Variants in KCTD19 observed in about 807,000 individuals in gnomAD.
The protein encoded by KCTD19 is BTB/POZ domain-containing protein KCTD19.
Under a neutral mutation model 103.5 loss-of-function variants are expected in KCTD19, and 67 were observed. The ratio of observed to expected loss-of-function variants is 0.65; its 90% CI spans 0.53 to 0.79. The LOEUF (loss-of-function observed/expected upper bound fraction) is 0.79. KCTD19 is among the 30% of genes least tolerant of loss of function. The pLI, the probability that KCTD19 is intolerant of heterozygous loss-of-function variation, is 0.00. For missense variants in KCTD19, 980 were observed against 1,136.1 expected, an observed-to-expected ratio of 0.86 and a Z score of 1.98; for synonymous variants, 439 against 452.2, an observed-to-expected ratio of 0.97 and a Z score of 0.37.
chr16:67,313,236 G>A (rs1056713655), intron 2 of KCTD19, among the ~76,000 whole-genome samples: 3 of 151,522 alleles, frequency 2.0e-5, no homozygotes, highest in East Asian at 3.9e-4. Context: ...CAGCCTCCCC[G>A]AGTAGCTGGG....
rs972719458 is a variant in KCTD19, at chr16:67,293,672, G to A, written c.2090C>T (p.Pro697Leu). The change falls in exon 12 of 16, where the codon CCA (proline) becomes CTA (leucine). Residue 697 changes from proline (P) to leucine (L), a missense_variant. Transcript: ENST00000304372. This position sits in a 1 kb window ranked among gnomAD's most constrained non-coding sequence, Gnocchi z 4.0. Reference sequence around the variant, plus strand: ...AGCTCCAGCCCCTGCCTGTGGTCCTGGATCCTTCTCTGAGGCTGTGGAATG... The same window carrying A: ...AGCTCCAGCCCCTGCCTGTGGTCCTAGATCCTTCTCTGAGGCTGTGGAATG... ...KAHSTASEKD[P>L]GPQAGAGAGA... 3 of 1,613,918 alleles carry A rather than the reference G, an allele frequency of 1.9e-6. No homozygotes were observed. The African/African-American group carries it at 4.0e-5, about 22-fold the overall frequency.
At chr16:67,302,041 C>T (rs931744978) in intron 4 of KCTD19, 119 bp from the exon 5 acceptor site, 1 of 857,242 alleles carries the variant, frequency 1.2e-6, no homozygotes, top group Non-Finnish European at 1.9e-6. Context: ...TGTTCTGAAA[C>T]AACTTATCAA....
chr16:67,305,312 T>C (rs970927693), intron 2 of KCTD19: 2 of 191,626 alleles, frequency 1.0e-5, no homozygotes, highest in Admixed American at 1.2e-4. Context: ...AATAAACATG[T>C]CTTATATTGC....
intron 13 of KCTD19, 78 bp from the exon 14 acceptor site, chr16:67,291,541 G>A (rs1051826196): frequency 2.0e-5 from 31 of 1,559,622 alleles, no homozygotes; most frequent in Admixed American, 1.4e-4. Flanking sequence ...AGGGGGAGAG[G>A]GGTAGGGCCC....
At chr16:67,299,679 T>G in intron 5 of KCTD19, 106 bp from the exon 6 acceptor site, 1 of 852,890 alleles carries the variant, frequency 1.2e-6, no homozygotes, top group Non-Finnish European at 1.8e-6. Flanking sequence ...CCGAGGAGGC[T>G]CAGAGGAAGG....
Position 67,320,898 on chromosome 16 carries a change from T to C in KCTD19, c.4-13A>G. The C allele has an allele frequency of 1.3e-6, 2 of 1,584,844 alleles. No individual in the cohort carries two copies. Among genetic ancestry groups the C allele is most frequent in the Middle Eastern group, 1.7e-4 (1 of 5,892 alleles). On this transcript the variant is annotated splice_polypyrimidine_tract_variant and intron_variant, in intron 1 of 15. Transcript: ENST00000304372. The surrounding 1 kb of genome is among the most constrained non-coding windows in gnomAD (Gnocchi z 4.0). ...TGCCAGACTCCTCCTAAAGGGGGAATGAAAAAGAGATCTACGCAAGAAAAA... is the reference window on the plus strand; with the variant it reads ...TGCCAGACTCCTCCTAAAGGGGGAACGAAAAAGAGATCTACGCAAGAAAAA...
At position 67,320,856 on chromosome 16, in the gene KCTD19, T is replaced by C. The variant is rs754215182; in HGVS notation, c.33A>G (p.Ala11=). Residue 11 remains alanine, a synonymous_variant, in exon 2 of 16, where the codon GCA becomes GCG. Transcript: ENST00000304372. This position sits in a 1 kb window ranked among gnomAD's most constrained non-coding sequence, Gnocchi z 4.0. Reference sequence around the variant, plus strand: ...CTACGTTGAAATGAAACAAGTCCTCTGCTGATTCATGAGCCATGCCAGACT... The same window carrying C: ...CTACGTTGAAATGAAACAAGTCCTCCGCTGATTCATGAGCCATGCCAGACT... The part of the protein sequence containing the change: MEESGMAHES[A]EDLFHFNVGG... The C allele has an allele frequency of 6.2e-7, 1 of 1,614,046 alleles. No individual in the cohort carries two copies. Among genetic ancestry groups the C allele is most frequent in the Non-Finnish European group, 8.5e-7 (1 of 1,179,966 alleles).
chr16:67,306,870 T>C (rs1222211182), intron 2 of KCTD19, among the ~76,000 whole-genome samples: 1 of 152,150 alleles, frequency 6.6e-6, no homozygotes, highest in Non-Finnish European at 1.5e-5. Context: ...ACTTTTAAAC[T>C]GAATCCTTCC....
intron 15 of KCTD19, among the ~76,000 whole-genome samples, chr16:67,290,353 T>C (rs9922636): frequency 0.017 from 2,573 of 152,008 alleles, 83 homozygotes; most frequent in African/African-American, 0.059. Context: ...AATTTTTTTG[T>C]GTTTTCAGTA....
intron 1 of KCTD19, among the ~76,000 whole-genome samples, chr16:67,326,425 G>A (rs1280007900): frequency 2.0e-5 from 3 of 151,920 alleles, no homozygotes; most frequent in African/African-American, 7.3e-5. Flanking sequence ...GCATCCCCCA[G>A]CGCTGAGATA....
Position 67,291,324 on chromosome 16 carries a change from C to G in KCTD19, c.2550G>C (p.Leu850=), listed in dbSNP as rs765838053. The change falls in exon 14 of 16, where the codon CTG becomes CTC. Residue 850 remains leucine (L), a synonymous_variant. Coordinates refer to ENST00000304372, the MANE Select transcript of KCTD19 (RefSeq NM_001100915.3). ...TCACACATACCCACAGCCGATTGGC[C>G]AGGGAGACCACCTTGGCTGTGATGG... is the stretch of plus-strand genomic sequence containing the variant. ...PKAITAKVVS[L]ANRLWTLHIS... is the part of the protein sequence containing the mutation. The G allele has an allele frequency of 6.2e-7, 1 of 1,613,608 alleles. No individual in the cohort carries two copies. The highest frequency in any genetic ancestry group is 1.1e-5 in the South Asian group (1 of 91,042).
intron 1 of KCTD19, 104 bp downstream of exon 1, chr16:67,326,600 GC>G: frequency 6.8e-7 from 1 of 1,471,370 alleles, no homozygotes; most frequent in Admixed American, 2.1e-5. Flanking sequence ...TCTCTCCCAT[GC>G]CCCAGAGCCA....
chr16:67,299,590 G>A lies in KCTD19; in HGVS notation c.776-17C>T. On this transcript the variant is annotated splice_polypyrimidine_tract_variant and intron_variant, in intron 5 of 15. Transcript: ENST00000304372. ...AACAGCCACCTGTGTCAGAGAGAAAGGGGTGACTCCTAGGCCCCCCATGGT... is the reference window on the plus strand; with the variant it reads ...AACAGCCACCTGTGTCAGAGAGAAAAGGGTGACTCCTAGGCCCCCCATGGT... The A allele has an allele frequency of 1.2e-6, 2 of 1,604,166 alleles. No individual in the cohort carries two copies. The highest frequency in any genetic ancestry group is 1.7e-6 in the Non-Finnish European group (2 of 1,176,866).
At chr16:67,297,283 G>A (rs906860503) in intron 7 of KCTD19, among the ~76,000 whole-genome samples, 2 of 152,180 alleles carry the variant, frequency 1.3e-5, no homozygotes, top group Non-Finnish European at 2.9e-5. Context: ...CCCAGACTGG[G>A]TAACAGCCCT....
Position 67,301,874 on chromosome 16 carries a change from T to G in KCTD19, c.692A>C (p.Asn231Thr). The change falls in exon 5 of 16, where the codon AAC (asparagine) becomes ACC (threonine). Residue 231 changes from asparagine to threonine, a missense_variant. Asn to Thr is a moderately conservative substitution (Grantham distance 65). Transcript: ENST00000304372. The part of the protein sequence containing the change: ...QKILLPDNFS[N>T]IDVLEAEVEI... Reference sequence around the variant, plus strand: ...CACTTCTGCTTCTAATACATCAATGTTGGAGAAATTATCCGGTAGTAAAAT... The same window carrying G: ...CACTTCTGCTTCTAATACATCAATGGTGGAGAAATTATCCGGTAGTAAAAT... The G allele has an allele frequency of 6.2e-7, 1 of 1,613,256 alleles. No homozygotes were observed. Among genetic ancestry groups the G allele is most frequent in the Non-Finnish European group, 8.5e-7 (1 of 1,179,208 alleles).
intron 1 of KCTD19, among the ~76,000 whole-genome samples, chr16:67,322,880 T>G (rs2142527173): frequency 6.6e-6 from 1 of 152,132 alleles, no homozygotes; most frequent in Admixed American, 6.6e-5. Flanking sequence ...ACAACCAAAT[T>G]TAAAAATTGG....
chr16:67,313,854 C>T (rs565386263), intron 2 of KCTD19, among the ~76,000 whole-genome samples: 8 of 150,868 alleles, frequency 5.3e-5, no homozygotes, highest in Non-Finnish European at 5.9e-5. Flanking sequence ...CCACTGCACC[C>T]GGCCTTTTTT....
intron 2 of KCTD19, among the ~76,000 whole-genome samples, chr16:67,314,824 TATATATAGAGAGAGAGAGAGAG>T (rs1439658850): frequency 1.6e-5 from 1 of 61,186 alleles, no homozygotes. Flanking sequence ...TATATATATA[TATATATAGAGAGAGAGAGAGAG>T]AGAGAGAGAG....
At chr16:67,290,803 C>T in intron 15 of KCTD19, 82 bp downstream of exon 15, 1 of 1,304,238 alleles carries the variant, frequency 7.7e-7, no homozygotes, top group Non-Finnish European at 1.1e-6. Flanking sequence ...AGTGCTGGCC[C>T]AGCCCTGGTG....
Sources: allele counts gnomAD v4.1 joint callset (sites outside exome capture counted in the v4.1 genomes callset), GRCh38; gene constraint gnomAD v4.1.1; non-coding constraint Gnocchi (gnomAD v3.1); transcripts MANE v1.5; gene names NCBI Gene and HGNC (gene_info 2026-07-23, HGNC 2026-07-21).